ANKRD28: variants seen among roughly 807,000 people sequenced by gnomAD.
The protein encoded by ANKRD28 is ankyrin repeat domain 28, also known as serine/threonine-protein phosphatase 6 regulatory ankyrin repeat subunit A.
Under a neutral mutation model 126.5 loss-of-function variants are expected in ANKRD28, and 44 were observed. The ratio of observed to expected loss-of-function variants is 0.35; its 90% CI spans 0.27 to 0.45. ANKRD28 has a LOEUF of 0.45. Ranked by LOEUF, ANKRD28 falls within the 20% of genes least tolerant of loss-of-function variation. The probability of loss-of-function intolerance (pLI) is 1.00; values close to 1 mark genes in which losing one functional copy is unlikely to be tolerated. For missense variants in ANKRD28, 1,110 were observed against 1,316.6 expected, an observed-to-expected ratio of 0.84 and a Z score of 2.43; for synonymous variants, 442 against 468.5, an observed-to-expected ratio of 0.94 and a Z score of 0.73.
At chr3:15,692,475 A>G (rs1480242873) in intron 17 of ANKRD28, among the ~76,000 whole-genome samples, 1 of 152,226 alleles carries the variant, frequency 6.6e-6, no homozygotes, top group Non-Finnish European at 1.5e-5. Flanking sequence ...AATAAAAAAT[A>G]AAAATGAAAA....
In ANKRD28 at chr3:15,788,629, A is replaced by C. The variant is rs201448733; in HGVS notation, c.201+6594T>G. 3.3e-4 allele frequency among the ~76,000 whole-genome samples: 51 copies of C among 152,284 alleles called. 1 individual carries two copies. Among genetic ancestry groups the C allele is most frequent in the East Asian group, 2.3e-3 (12 of 5,190 alleles). The stretch of plus-strand genomic sequence containing the variant: ...AAAAAATTAATATTTGTAGAAAATA[A>C]TTTTCTTATAAAGAAGAATCAAAGT... On this transcript the variant is annotated intron_variant, in intron 2 of 27. Coordinates refer to ENST00000683139, the MANE Select transcript of ANKRD28 (RefSeq NM_001349278.2).
chr3:15,844,143 AC>A (rs1309739589), intron 1 of ANKRD28, among the ~76,000 whole-genome samples: 1 of 152,162 alleles, frequency 6.6e-6, no homozygotes, highest in Non-Finnish European at 1.5e-5. Context: ...TGCCTACAAC[AC>A]CCAGTCTGGA....
intron 7 of ANKRD28, among the ~76,000 whole-genome samples, chr3:15,722,144 G>A (rs899925126): frequency 9.9e-5 from 15 of 152,144 alleles, no homozygotes; most frequent in African/African-American, 3.6e-4. Context: ...TTTGCCCCTG[G>A]CTTCAGGGAG....
At chr3:15,849,509 T>TA (rs1459306072) in intron 1 of ANKRD28, among the ~76,000 whole-genome samples, 1 of 152,186 alleles carries the variant, frequency 6.6e-6, no homozygotes, top group African/African-American at 2.4e-5. Context: ...CAGGGTGAGC[T>TA]AACCTGTCTC....
At chr3:15,831,550 C>T (rs1330804809) in intron 1 of ANKRD28, among the ~76,000 whole-genome samples, 1 of 152,168 alleles carries the variant, frequency 6.6e-6, no homozygotes, top group African/African-American at 2.4e-5. Context: ...TGTCTCCAGA[C>T]ACTGTCAAAT....
At chr3:15,836,223 C>T (rs1398378401) in intron 1 of ANKRD28, among the ~76,000 whole-genome samples, 1 of 151,984 alleles carries the variant, frequency 6.6e-6, no homozygotes, top group Non-Finnish European at 1.5e-5. Context: ...TAAAACATTA[C>T]TGTTGGGTTT....
At chr3:15,690,366 G>A (rs1160395606) in intron 17 of ANKRD28, 146 bp from the exon 18 acceptor site, 1 of 669,518 alleles carries the variant, frequency 1.5e-6, no homozygotes, top group East Asian at 2.7e-5. Flanking sequence ...AATTCAGGAA[G>A]TTAACTACAG....
chr3:15,756,454 C>A, intron 3 of ANKRD28: 1 of 977,588 alleles, frequency 1.0e-6, no homozygotes, highest in Non-Finnish European at 1.2e-6. Context: ...AACATAAATT[C>A]AAAAACAAAA....
chr3:15,738,163 G>A (rs74451313), intron 4 of ANKRD28, among the ~76,000 whole-genome samples: 6,164 of 152,058 alleles, frequency 0.041, 414 homozygotes, highest in African/African-American at 0.14. Context: ...GTAAATTATC[G>A]GGGAACCTGC....
At chr3:15,713,203 G>A (rs2072564693) in intron 10 of ANKRD28, among the ~76,000 whole-genome samples, 1 of 151,944 alleles carries the variant, frequency 6.6e-6, no homozygotes, top group Non-Finnish European at 1.5e-5. Flanking sequence ...AAAAGCATCT[G>A]GCACATACAG....
chr3:15,698,920 C>A (rs1275284824), intron 14 of ANKRD28, among the ~76,000 whole-genome samples: 2 of 152,172 alleles, frequency 1.3e-5, no homozygotes, highest in East Asian at 3.9e-4. Flanking sequence ...CAAAAAAGAG[C>A]CCGCATTGCC....
At chr3:15,857,631 T>C (rs556843869) in intron 1 of ANKRD28, among the ~76,000 whole-genome samples, 2 of 152,314 alleles carry the variant, frequency 1.3e-5, no homozygotes, top group East Asian at 3.9e-4. Context: ...GATTAATGGA[T>C]ATACATAAGA....
At chr3:15,710,111 G>A (rs1055750229) in intron 12 of ANKRD28, among the ~76,000 whole-genome samples, 5 of 150,988 alleles carry the variant, frequency 3.3e-5, no homozygotes, top group Admixed American at 1.3e-4. Context: ...CATAGCTAAC[G>A]GCAGCCTCCA....
At chr3:15,682,093 A>C (rs1384491030) in intron 21 of ANKRD28, among the ~76,000 whole-genome samples, 1 of 152,150 alleles carries the variant, frequency 6.6e-6, no homozygotes, top group East Asian at 1.9e-4. Flanking sequence ...AAAAAATATG[A>C]ATAAAAACAC....
At chr3:15,818,722 G>C (rs1297783241) in intron 1 of ANKRD28, among the ~76,000 whole-genome samples, 1 of 152,150 alleles carries the variant, frequency 6.6e-6, no homozygotes. Context: ...ATTGACTGCA[G>C]GTGTTTCAAG....
rs1401418109 is a variant in ANKRD28 at position 15,679,572 on chromosome 3, G to A, written c.2390-9C>T. ...TACACATGTCTCGTGACCTAAATAG[G>A]TGTAAAGAACCAGGTATTAAAATTC... is the stretch of plus-strand genomic sequence containing the variant. On this transcript the variant is annotated splice_polypyrimidine_tract_variant and intron_variant, in intron 21 of 27. Transcript: ENST00000683139. The A allele has an allele frequency of 1.9e-6, 3 of 1,602,288 alleles. No homozygotes were observed. Among genetic ancestry groups the A allele is most frequent in the South Asian group, 2.2e-5 (2 of 89,968 alleles).
intron 1 of ANKRD28, among the ~76,000 whole-genome samples, chr3:15,809,922 G>A (rs1415524245): frequency 1.3e-5 from 2 of 152,094 alleles, no homozygotes; most frequent in Admixed American, 6.6e-5. Flanking sequence ...ACTACATGCA[G>A]CTATGCCCTT....
At chr3:15,775,225 T>C (rs185545881) in intron 2 of ANKRD28, among the ~76,000 whole-genome samples, 3 of 152,308 alleles carry the variant, frequency 2.0e-5, no homozygotes, top group African/African-American at 7.2e-5. Flanking sequence ...ATATGCATGC[T>C]TAATTAACAT....
At chr3:15,736,189 T>C (rs2125126129) in intron 5 of ANKRD28, among the ~76,000 whole-genome samples, 1 of 152,334 alleles carries the variant, frequency 6.6e-6, no homozygotes, top group African/African-American at 2.4e-5. Context: ...CAGTGGGATA[T>C]TTTGAGAGAT....
Sources: gnomAD v4.1 joint callset for allele counts (sites outside exome capture counted in the v4.1 genomes callset) on GRCh38, gnomAD v4.1.1 for gene constraint, MANE v1.5 for transcripts, NCBI Gene and HGNC (gene_info 2026-07-23, HGNC 2026-07-21) for gene names.